Variants in PLD1 observed in about 807,000 individuals in gnomAD.
PLD1 encodes choline phosphatase 1.
In PLD1, 112 loss-of-function variants were observed where a neutral mutation model predicts 137.1. That is an observed-to-expected ratio of 0.82 (90% CI 0.70 to 0.96). The LOEUF (loss-of-function observed/expected upper bound fraction) is 0.96. PLD1 is among the 40% of genes least tolerant of loss of function. The pLI is 0.00. For missense variants in PLD1, 1,321 were observed against 1,342.0 expected (o/e 0.98, Z 0.24); for synonymous variants, 431 against 454.7 (o/e 0.95, Z 0.66).
intron 1 of PLD1, among the ~76,000 whole-genome samples, chr3:171,779,984 C>T (rs566571883): frequency 7.9e-6 from 1 of 127,004 alleles, no homozygotes; most frequent in Non-Finnish European, 1.7e-5. Flanking sequence ...GAGATTCAGG[C>T]CTGGGGTTAG....
At chr3:171,620,342 T>A (rs550547086) in intron 24 of PLD1, 44 bp downstream of exon 24, 4 of 1,436,586 alleles carry the variant, frequency 2.8e-6, no homozygotes, top group Non-Finnish European at 3.8e-6. Flanking sequence ...ATGGGGTAAG[T>A]CAACTGGCAA....
At chr3:171,757,675 C>CT (rs1266805105) in intron 1 of PLD1, among the ~76,000 whole-genome samples, 4 of 152,166 alleles carry the variant, frequency 2.6e-5, no homozygotes, top group African/African-American at 7.2e-5. Context: ...TTATACCTGC[C>CT]TTTGATATCA....
intron 24 of PLD1, among the ~76,000 whole-genome samples, chr3:171,613,058 T>C (rs897394334): frequency 2.0e-5 from 3 of 152,072 alleles, no homozygotes; most frequent in African/African-American, 7.2e-5. Context: ...TAGTCCCAGC[T>C]GCTCGGAATG....
At position 171,640,799 on chromosome 3, in the gene PLD1, T is replaced by C. The variant is rs142967456; in HGVS notation, c.2593+2041A>G. On this transcript the variant is annotated intron_variant, in intron 23 of 26. Transcript: ENST00000351298. ...ATGACCTTTCAGATTCCCAGGGATA[T>C]GTTGGAAGTTTCTAGTGCCCACTAG... 1.2e-4 allele frequency among the ~76,000 whole-genome samples: 19 copies of C among 152,310 alleles called. 1 individual carries two copies. In the East Asian group the frequency reaches 1.9e-3, roughly 15 times the overall value.
rs771384475 is a variant in PLD1 at position 171,734,882 on chromosome 3, G to T, written c.523C>A (p.Gln175Lys). The stretch of plus-strand genomic sequence containing the variant: ...AAACTTACTCTTCTACCAAGGAATT[G>T]TTCTTCTCTTATCATGTTTTCAGAT... ...RSSENMIREEQFLGRRKQLED... is the reference protein window; with the variant it reads ...RSSENMIREEKFLGRRKQLED... Residue 175 changes from glutamine (Q) to lysine (K), a missense_variant, in exon 5 of 27, where the codon CAA becomes AAA. Gln to Lys is a moderately conservative substitution (Grantham distance 53). Transcript: ENST00000351298. The T allele has an allele frequency of 5.0e-6, 8 of 1,606,050 alleles. No individual in the cohort carries two copies. The highest frequency in any genetic ancestry group is 5.1e-6 in the Non-Finnish European group (6 of 1,172,746).
At chr3:171,733,846 T>C (rs370576324) in intron 5 of PLD1, among the ~76,000 whole-genome samples, 1 of 152,170 alleles carries the variant, frequency 6.6e-6, no homozygotes. Context: ...TACCAAAAAC[T>C]TTCATTTTTT....
In PLD1 at chr3:171,612,123, C is replaced by T. The variant is rs139126972; in HGVS notation, c.2882+156G>A. Among the ~76,000 whole-genome samples the T allele has an allele frequency of 2.8e-4, 43 of 152,286 alleles. No homozygotes were observed. Among genetic ancestry groups the T allele is most frequent in the South Asian group, 8.3e-4 (4 of 4,820 alleles). ...ATTCATGTACCACCTAAAGTCATTTCGCATACTACTGGTGGTACATATCCT... is the reference window on the plus strand; with the variant it reads ...ATTCATGTACCACCTAAAGTCATTTTGCATACTACTGGTGGTACATATCCT... On this transcript the variant is annotated intron_variant, in intron 25 of 26. Coordinates refer to ENST00000351298, the MANE Select transcript of PLD1 (RefSeq NM_002662.5). This position sits in a 1 kb window ranked among gnomAD's most constrained non-coding sequence, Gnocchi z 4.1.
intron 13 of PLD1, among the ~76,000 whole-genome samples, chr3:171,690,741 A>T (rs4894495): frequency 0.46 from 69,929 of 152,000 alleles, 16,425 homozygotes; most frequent in African/African-American, 0.53. Flanking sequence ...GGACTTACTT[A>T]GCAGCCTAAC....
chr3:171,760,282 A>C (rs574486162), intron 1 of PLD1, among the ~76,000 whole-genome samples: 66 of 152,278 alleles, frequency 4.3e-4, no homozygotes, highest in African/African-American at 1.5e-3. Flanking sequence ...TAATGCCTTC[A>C]ATTACACATT....
chr3:171,804,497 A>G (rs1723768784), intron 1 of PLD1, among the ~76,000 whole-genome samples: 1 of 152,254 alleles, frequency 6.6e-6, no homozygotes, highest in Admixed American at 6.5e-5. Flanking sequence ...ATTGTACACT[A>G]CAATGGACAC....
At chr3:171,686,648 A>G (rs749191405) in intron 16 of PLD1, 37 bp downstream of exon 16, 1 of 1,068,780 alleles carries the variant, frequency 9.4e-7, no homozygotes, top group Non-Finnish European at 1.4e-6. Flanking sequence ...CCAAAGCTCA[A>G]GCCTAAGGGA....
In PLD1 at chr3:171,602,903, G is replaced by C; in HGVS notation, c.*175C>G. 1 of 598,862 alleles carries C rather than the reference G, an allele frequency of 1.7e-6. No homozygotes were observed. The highest frequency in any genetic ancestry group is 2.1e-5 in the South Asian group (1 of 48,102). The allele number at this position is 598,862 out of a possible 1,614,324, so 37.1% of individuals were successfully genotyped here. A position where few individuals can be genotyped will look rare whatever the true frequency, so the allele number is the denominator to read the frequency against. On this transcript the variant is annotated 3_prime_UTR_variant, in exon 27 of 27. Coordinates refer to ENST00000351298, the MANE Select transcript of PLD1 (RefSeq NM_002662.5). ...GCAGAAGGAATTATAAAGTCTTGCT[G>C]ATGTTTACAGTCCTTACATCAATGT...
chr3:171,803,568 T>C (rs1560311302), intron 1 of PLD1, among the ~76,000 whole-genome samples: 1 of 152,178 alleles, frequency 6.6e-6, no homozygotes, highest in Non-Finnish European at 1.5e-5. Flanking sequence ...AGCCTGTATC[T>C]ACTAAAAATA....
intron 12 of PLD1, 29 bp from the exon 13 acceptor site, chr3:171,692,471 T>C (rs1313475132): frequency 3.1e-6 from 3 of 983,462 alleles, no homozygotes; most frequent in South Asian, 2.6e-5. Context: ...GATGGAGGAA[T>C]GAGTATCTCT....
At chr3:171,657,373 T>C (rs1454902) in intron 21 of PLD1, among the ~76,000 whole-genome samples, 26,593 of 152,104 alleles carry the variant, frequency 0.17, 2,417 homozygotes, top group South Asian at 0.23. Context: ...AAGTAAAAAG[T>C]GTTTTAATTC....
At chr3:171,696,586 G>C (rs2108533335) in intron 12 of PLD1, among the ~76,000 whole-genome samples, 1 of 152,264 alleles carries the variant, frequency 6.6e-6, no homozygotes, top group East Asian at 1.9e-4. Flanking sequence ...TCTGGGACCT[G>C]TTAATGCAAA....
chr3:171,733,646 G>C lies in PLD1; in HGVS notation c.541-137C>G. On this transcript the variant is annotated intron_variant, in intron 5 of 26. Transcript: ENST00000351298. ...TTCAATTATTTATTAATATAATCAT[G>C]GAGCAAGGAATCCTGAATAGCATTA... 9.2e-6 allele frequency: 5 copies of C among 543,934 alleles called. No homozygotes were observed. The South Asian group carries it at 1.3e-4, about 15-fold the overall frequency. 33.7% of individuals were successfully genotyped at this position (543,934 alleles called of 1,614,324 possible).
Position 171,612,927 on chromosome 3 carries a change from A to C in PLD1, c.2729-495T>G, listed in dbSNP as rs9810537. On this transcript the variant is annotated intron_variant, in intron 24 of 26. Coordinates refer to ENST00000351298, the MANE Select transcript of PLD1 (RefSeq NM_002662.5). The surrounding 1 kb of genome is among the most constrained non-coding windows in gnomAD (Gnocchi z 4.1). ...TCATGTCTGTAATCCCAGTGCTTTG[A>C]GAGGCCAAGGCAGGAGGATCGCTTA... 6.1e-3 allele frequency among the ~76,000 whole-genome samples: 926 copies of C among 152,306 alleles called. 6 individuals are homozygous for C. The highest frequency in any genetic ancestry group is 0.018 in the African/African-American group (761 of 41,570).
intron 24 of PLD1, among the ~76,000 whole-genome samples, chr3:171,614,962 C>T (rs902552429): frequency 3.0e-4 from 46 of 152,098 alleles, no homozygotes; most frequent in Non-Finnish European, 5.9e-5. Flanking sequence ...ATTTTAAGGG[C>T]CAACATGGAA....
Sources: gnomAD v4.1 joint callset for allele counts (sites outside exome capture counted in the v4.1 genomes callset) on GRCh38, gnomAD v4.1.1 for gene constraint, Gnocchi (gnomAD v3.1) non-coding constraint, MANE v1.5 for transcripts, NCBI Gene and HGNC (gene_info 2026-07-23, HGNC 2026-07-21) for gene names.